ESRP1: variants seen among roughly 807,000 people sequenced by gnomAD.
The protein encoded by ESRP1 is epithelial splicing regulatory protein 1.
A neutral mutation model predicts 81.7 loss-of-function variants in ESRP1; 33 were observed. The observed-to-expected ratio is 0.40, with a 90% CI of 0.31 to 0.54. The LOEUF is 0.54. ESRP1 is among the 20% of genes least tolerant of loss of function. The pLI is 0.41. For synonymous variants in ESRP1, 320 were observed against 303.3 expected, an observed-to-expected ratio of 1.06 and a Z score of -0.57; for missense variants, 672 against 833.1, an observed-to-expected ratio of 0.81 and a Z score of 2.38.
At chr8:94,650,608 T>G (rs1818073509) in intron 4 of ESRP1, among the ~76,000 whole-genome samples, 1 of 152,262 alleles carries the variant, frequency 6.6e-6, no homozygotes, top group Admixed American at 6.5e-5. Flanking sequence ...GTTTGTTTAT[T>G]CGCCTACTGA....
intron 4 of ESRP1, among the ~76,000 whole-genome samples, chr8:94,657,615 G>A (rs1170119456): frequency 1.3e-5 from 2 of 151,998 alleles, no homozygotes; most frequent in Admixed American, 6.6e-5. Context: ...TGGCTCAAAG[G>A]GAGACATGTT....
chr8:94,674,572 G>T (rs145735375), intron 12 of ESRP1, 66 bp downstream of exon 12: 27 of 1,425,664 alleles, frequency 1.9e-5, no homozygotes, highest in Non-Finnish European at 2.5e-5. Flanking sequence ...AGCTGCTTTC[G>T]TAACTTTCTG....
At chr8:94,702,325 G>A (rs557729527) in intron 15 of ESRP1, among the ~76,000 whole-genome samples, 2 of 152,204 alleles carry the variant, frequency 1.3e-5, no homozygotes, top group South Asian at 4.1e-4. Flanking sequence ...CATAGGATCT[G>A]TTCTAAAGAG....
At chr8:94,642,755 C>A (rs966284310) in intron 2 of ESRP1, among the ~76,000 whole-genome samples, 6 of 152,124 alleles carry the variant, frequency 3.9e-5, no homozygotes, top group Non-Finnish European at 8.8e-5. Flanking sequence ...GGTGCCGGAT[C>A]GGGTAGGGCG....
chr8:94,671,010 G>A (rs2130638901), intron 10 of ESRP1, among the ~76,000 whole-genome samples: 1 of 152,256 alleles, frequency 6.6e-6, no homozygotes, highest in Admixed American at 6.5e-5. Context: ...AAGGTAATGA[G>A]GGGAATACTG....
chr8:94,707,145 C>T lies in ESRP1; in HGVS notation c.*1256C>T, dbSNP rs1243258549. On this transcript the variant is annotated 3_prime_UTR_variant, in exon 16 of 16. Coordinates refer to ENST00000433389, the MANE Select transcript of ESRP1 (RefSeq NM_017697.4). ...ATTGTCCTTTGCTTGAATGCAATGC[C>T]GTGCAGATTTATGAGGCTGCTATTT... 1.3e-5 allele frequency: 2 copies of T among 152,154 alleles called. No homozygotes were observed. The highest frequency in any genetic ancestry group is 2.4e-5 in the African/African-American group (1 of 41,434). 9.4% of individuals were successfully genotyped at this position (152,154 alleles called of 1,614,324 possible). A position where few individuals can be genotyped will look rare whatever the true frequency, so the allele number is the denominator to read the frequency against.
chr8:94,663,224 C>T (rs1182363316), intron 6 of ESRP1, among the ~76,000 whole-genome samples: 5 of 152,070 alleles, frequency 3.3e-5, no homozygotes, highest in Non-Finnish European at 7.4e-5. Flanking sequence ...TAAAATTTTA[C>T]GTACATTCTA....
intron 13 of ESRP1, among the ~76,000 whole-genome samples, chr8:94,689,249 CAAAAAAAAAAAA>C (rs56220336): frequency 2.0e-5 from 2 of 98,822 alleles, no homozygotes; most frequent in East Asian, 2.6e-4. Flanking sequence ...ACTCAGTCTC[CAAAAAAAAAAAA>C]AAAAAAAAAA....
chr8:94,692,015 G>A (rs1809420517), intron 13 of ESRP1, among the ~76,000 whole-genome samples: 1 of 152,154 alleles, frequency 6.6e-6, no homozygotes, highest in African/African-American at 2.4e-5. Flanking sequence ...CTTGGCTGGT[G>A]TTCCTTGGAG....
intron 13 of ESRP1, among the ~76,000 whole-genome samples, chr8:94,692,370 C>T (rs191068154): frequency 2.0e-5 from 3 of 152,064 alleles, no homozygotes; most frequent in Non-Finnish European, 4.4e-5. Context: ...AGCTGGGCCT[C>T]GGAAGTGGTG....
At chr8:94,692,887 A>G (rs568759429) in intron 14 of ESRP1, 60 bp downstream of exon 14, 18 of 1,537,676 alleles carry the variant, frequency 1.2e-5, no homozygotes, top group Non-Finnish European at 1.6e-5. Flanking sequence ...GATTTGCCTA[A>G]AGAATGCAGC....
At chr8:94,696,425 C>A (rs1283738208) in intron 14 of ESRP1, among the ~76,000 whole-genome samples, 1 of 152,210 alleles carries the variant, frequency 6.6e-6, no homozygotes, top group Non-Finnish European at 1.5e-5. Context: ...ATTACAAATA[C>A]ATCTAACACT....
chr8:94,678,810 T>A (rs1808746977), intron 13 of ESRP1, among the ~76,000 whole-genome samples: 1 of 152,254 alleles, frequency 6.6e-6, no homozygotes, highest in African/African-American at 2.4e-5. Context: ...CTTTTCCTCC[T>A]AAATCTTTAA....
At chr8:94,670,439 GT>G (rs1563532269) in intron 10 of ESRP1, among the ~76,000 whole-genome samples, 1 of 152,100 alleles carries the variant, frequency 6.6e-6, no homozygotes, top group Admixed American at 6.5e-5. Context: ...TGGTGGTGTG[GT>G]TTGATTTTTG....
intron 4 of ESRP1, among the ~76,000 whole-genome samples, chr8:94,657,063 T>C (rs2130583791): frequency 6.6e-6 from 1 of 152,356 alleles, no homozygotes; most frequent in East Asian, 1.9e-4. Flanking sequence ...GTGTCCCTCC[T>C]GTTAATATAT....
chr8:94,705,579 C>A (rs922083311), intron 15 of ESRP1: 1 of 185,716 alleles, frequency 5.4e-6, no homozygotes, highest in Non-Finnish European at 1.1e-5. Context: ...TGATATTGAA[C>A]CTCTAAGGAA....
rs764087839 is a variant in ESRP1 at position 94,696,884 on chromosome 8, T to C, written c.2004T>C (p.Asn668=). 62 of 1,595,998 alleles carry C rather than the reference T, an allele frequency of 3.9e-5. 4 individuals are homozygous for C. In the South Asian group the frequency reaches 7.0e-4, roughly 18 times the overall value. The change falls in exon 15 of 16, where the codon AAT becomes AAC. Residue 668 remains asparagine, a synonymous_variant. Coordinates refer to ENST00000433389, the MANE Select transcript of ESRP1 (RefSeq NM_017697.4). ...CCGAGGATGGACTTATACACACAAATGACCAGGCCAGGACTCTACCCAAAG... is the reference window on the plus strand; with the variant it reads ...CCGAGGATGGACTTATACACACAAACGACCAGGCCAGGACTCTACCCAAAG... ...YATEDGLIHT[N]DQARTLPKEW...
chr8:94,645,757 C>T (rs182684999), intron 3 of ESRP1, among the ~76,000 whole-genome samples: 178 of 152,300 alleles, frequency 1.2e-3, no homozygotes, highest in African/African-American at 4.0e-3. Context: ...CCCAGTTTTA[C>T]AATCTAATCC....
At chr8:94,690,276 ATTTTT>A (rs373440584) in intron 13 of ESRP1, among the ~76,000 whole-genome samples, 15 of 61,362 alleles carry the variant, frequency 2.4e-4, no homozygotes, top group Middle Eastern at 0.013. Context: ...TGCCTGGCTA[ATTTTT>A]TTTTTTTTTT....
Sources: allele counts gnomAD v4.1 joint callset (sites outside exome capture counted in the v4.1 genomes callset), GRCh38; gene constraint gnomAD v4.1.1; transcripts MANE v1.5; gene names NCBI Gene and HGNC (gene_info 2026-07-23, HGNC 2026-07-21).